The following SHANK2 variants were observed in gnomAD, a reference collection of about 807,000 sequenced individuals.
SHANK2 encodes the protein SH3 and multiple ankyrin repeat domains 2.
A neutral mutation model predicts 133.7 loss-of-function variants in SHANK2; 43 were observed. That is an observed-to-expected ratio of 0.32 (90% CI 0.25 to 0.41). The LOEUF (loss-of-function observed/expected upper bound fraction) is 0.41, where lower values mean the gene tolerates loss of function less well. Among genes scored for constraint, SHANK2 ranks in the 10% least tolerant of loss-of-function variants. The pLI, the probability that SHANK2 is intolerant of heterozygous loss-of-function variation, is 1.00. For missense variants in SHANK2, 1,994 were observed against 2,235.8 expected (o/e 0.89, Z 2.18); for synonymous variants, 1,017 against 952.8 (o/e 1.07, Z -1.24).
At chr11:71,187,683 G>C (rs1953701789) in intron 2 of SHANK2, among the ~76,000 whole-genome samples, 1 of 152,192 alleles carries the variant, frequency 6.6e-6, no homozygotes, top group Admixed American at 6.5e-5. Context: ...TCAGTGGGAG[G>C]CAGTACTTGG....
chr11:70,861,024 G>C (rs1305971227), intron 11 of SHANK2, among the ~76,000 whole-genome samples: 1 of 152,212 alleles, frequency 6.6e-6, no homozygotes, highest in Non-Finnish European at 1.5e-5. Context: ...CACACGGGGA[G>C]CAGCGCTGGC....
chr11:70,551,506 T>C (rs1554978031), intron 17 of SHANK2, among the ~76,000 whole-genome samples: 3 of 152,226 alleles, frequency 2.0e-5, no homozygotes, highest in Non-Finnish European at 1.5e-5. Flanking sequence ...GCCTGTTATC[T>C]ACCCCCGGCC....
intron 14 of SHANK2, among the ~76,000 whole-genome samples, chr11:70,774,136 G>A (rs1947312004): frequency 6.6e-6 from 1 of 152,192 alleles, no homozygotes. Context: ...AAGAAGCAGT[G>A]AGATTCTGAT....
chr11:70,921,047 G>T (rs180953830), intron 10 of SHANK2, among the ~76,000 whole-genome samples: 3 of 152,004 alleles, frequency 2.0e-5, no homozygotes. Context: ...GAAATGTCTC[G>T]CCATACCAGA....
intron 14 of SHANK2, among the ~76,000 whole-genome samples, chr11:70,712,149 G>A (rs957339497): frequency 8.5e-5 from 13 of 152,196 alleles, no homozygotes; most frequent in African/African-American, 3.1e-4. Context: ...GGTGTTCCTC[G>A]GATCCTGGCC....
chr11:70,651,403 A>G (rs1197491670), intron 17 of SHANK2, among the ~76,000 whole-genome samples: 1 of 152,146 alleles, frequency 6.6e-6, no homozygotes, highest in Non-Finnish European at 1.5e-5. Context: ...TGGAGGACAA[A>G]GAGAACGACC....
chr11:70,520,616 C>T (rs2059318686), intron 17 of SHANK2, among the ~76,000 whole-genome samples: 1 of 152,180 alleles, frequency 6.6e-6, no homozygotes, highest in Non-Finnish European at 1.5e-5. Flanking sequence ...TCCCTACTTT[C>T]CACACAGTGC....
In SHANK2 at chr11:70,804,256, C is replaced by A. The variant is rs527278338; in HGVS notation, c.1663+2746G>T. Among the ~76,000 whole-genome samples, 2 of 152,260 alleles carry A rather than the reference C, an allele frequency of 1.3e-5. No individual in the cohort carries two copies. Among genetic ancestry groups the A allele is most frequent in the Admixed American group, 1.3e-4 (2 of 15,304 alleles). On this transcript the variant is annotated intron_variant, in intron 13 of 25. Coordinates refer to ENST00000601538, the MANE Select transcript of SHANK2 (RefSeq NM_012309.5). The surrounding 1 kb of genome is among the most constrained non-coding windows in gnomAD (Gnocchi z 4.1). ...TCTGCAGGCAGTGGATCGGCTCGAC[C>A]CGCCCGCCTCTAAGCACTGCCATGC... is the stretch of plus-strand genomic sequence containing the variant.
intron 3 of SHANK2, among the ~76,000 whole-genome samples, chr11:71,127,710 T>C (rs1474535129): frequency 6.6e-6 from 1 of 152,248 alleles, no homozygotes; most frequent in East Asian, 1.9e-4. Flanking sequence ...AGAGTATAAA[T>C]ATAACTTTAA....
intron 17 of SHANK2, among the ~76,000 whole-genome samples, chr11:70,574,139 C>T (rs922671576): frequency 6.6e-6 from 1 of 152,260 alleles, no homozygotes; most frequent in Non-Finnish European, 1.5e-5. Flanking sequence ...ACAGGGCTCA[C>T]AGCACTCATG....
At chr11:70,931,114 A>G (rs1950498229) in intron 10 of SHANK2, among the ~76,000 whole-genome samples, 1 of 152,210 alleles carries the variant, frequency 6.6e-6, no homozygotes, top group South Asian at 2.1e-4. Context: ...GCAGCCAGAC[A>G]CACACAGCCA....
chr11:70,767,920 CT>C (rs1250764840), intron 14 of SHANK2, among the ~76,000 whole-genome samples: 1 of 152,216 alleles, frequency 6.6e-6, no homozygotes, highest in Non-Finnish European at 1.5e-5. Context: ...TTTCCCTCTG[CT>C]TCTTGCACTC....
chr11:70,813,588 C>T (rs1294062246), intron 12 of SHANK2, among the ~76,000 whole-genome samples: 6 of 152,004 alleles, frequency 3.9e-5, no homozygotes, highest in African/African-American at 1.2e-4. Flanking sequence ...TTCCAGGTTA[C>T]GGCTCACGCA....
At chr11:71,124,907 T>C (rs1311702308) in intron 3 of SHANK2, among the ~76,000 whole-genome samples, 2 of 152,236 alleles carry the variant, frequency 1.3e-5, no homozygotes, top group African/African-American at 4.8e-5. Flanking sequence ...ACTTCATATC[T>C]CTGTGTCACA....
chr11:70,851,212 ATCT>A (rs1555065353), intron 11 of SHANK2, among the ~76,000 whole-genome samples: 1 of 152,070 alleles, frequency 6.6e-6, no homozygotes, highest in Non-Finnish European at 1.5e-5. Flanking sequence ...TTCAGAAAAG[ATCT>A]TCTCCCCAAC....
At chr11:70,617,452 A>ACG in intron 17 of SHANK2, among the ~76,000 whole-genome samples, 1 of 151,696 alleles carries the variant, frequency 6.6e-6, no homozygotes, top group East Asian at 1.9e-4. Context: ...AAAGAAAGAA[A>ACG]CGCGAGGAAC....
intron 14 of SHANK2, among the ~76,000 whole-genome samples, chr11:70,703,815 C>A (rs989905086): frequency 6.6e-6 from 1 of 152,228 alleles, no homozygotes; most frequent in Non-Finnish European, 1.5e-5. Context: ...CACCTGCTCA[C>A]CTGGCTGGCC....
chr11:70,830,810 G>C lies in SHANK2; in HGVS notation c.1175-10128C>G, dbSNP rs1250918119. Among the ~76,000 whole-genome samples, 3 of 152,192 alleles carry C rather than the reference G, an allele frequency of 2.0e-5. No homozygotes were observed. The highest frequency in any genetic ancestry group is 4.4e-5 in the Non-Finnish European group (3 of 68,034). ...TCAGATGAGACAGACGAGGTTCAGA[G>C]AGGCTGAGCGCTAAGCTGCCCAGGG... On this transcript the variant is annotated intron_variant, in intron 11 of 25. Coordinates refer to ENST00000601538, the MANE Select transcript of SHANK2 (RefSeq NM_012309.5). The surrounding 1 kb of genome is among the most constrained non-coding windows in gnomAD (Gnocchi z 4.4).
At chr11:70,677,408 C>T (rs1473118053) in intron 15 of SHANK2, among the ~76,000 whole-genome samples, 3 of 152,274 alleles carry the variant, frequency 2.0e-5, no homozygotes, top group Admixed American at 6.5e-5. Flanking sequence ...TCCTAGAACC[C>T]GGGCCACCAC....
Sources: gnomAD v4.1 joint callset for allele counts (sites outside exome capture counted in the v4.1 genomes callset) on GRCh38, gnomAD v4.1.1 for gene constraint, Gnocchi (gnomAD v3.1) non-coding constraint, MANE v1.5 for transcripts, NCBI Gene and HGNC (gene_info 2026-07-23, HGNC 2026-07-21) for gene names.